Variants in SIRT2 observed in about 807,000 individuals in gnomAD.
The protein encoded by SIRT2 is NAD-dependent protein deacetylase sirtuin-2.
A neutral mutation model predicts 57.4 loss-of-function variants in SIRT2; 40 were observed. The observed-to-expected ratio is 0.70, with a 90% CI of 0.54 to 0.91. SIRT2 has a LOEUF of 0.91. SIRT2 is among the 40% of genes least tolerant of loss of function. SIRT2 has a pLI of 0.00. For missense variants in SIRT2, 439 were observed against 510.4 expected (o/e 0.86, Z 1.35); for synonymous variants, 161 against 195.7 (o/e 0.82, Z 1.48).
chr19:38,880,582 GA>G lies in SIRT2; in HGVS notation c.876+102del. On this transcript the variant is annotated intron_variant, in intron 13 of 15. Coordinates refer to ENST00000249396, the MANE Select transcript of SIRT2 (RefSeq NM_012237.4). This position sits in a 1 kb window ranked among gnomAD's most constrained non-coding sequence, Gnocchi z 4.1. ...CTAGAGCCCCAGGTTCTGAGCTGAG[GA>G]ATGCAAAGTGCTGGGGTTCCACAGT... 1 of 777,266 alleles carries G rather than the reference GA, an allele frequency of 1.3e-6. No homozygotes were observed. The highest frequency in any genetic ancestry group is 2.1e-6 in the Non-Finnish European group (1 of 471,698). The allele number at this position is 777,266 out of a possible 1,614,324, so 48.1% of individuals were successfully genotyped here.
intron 8 of SIRT2, among the ~76,000 whole-genome samples, chr19:38,887,362 C>T (rs1193349542): frequency 6.6e-6 from 1 of 152,170 alleles, no homozygotes; most frequent in African/African-American, 2.4e-5. Flanking sequence ...ACATCAACCA[C>T]AAAAAGCACT....
At position 38,891,530 on chromosome 19, in the gene SIRT2, C is replaced by CA. The variant is rs201582247; in HGVS notation, c.227-1387dup. Among the ~76,000 whole-genome samples the CA allele has an allele frequency of 7.7e-3, 1,167 of 152,228 alleles. 37 individuals are homozygous for CA. In the South Asian group the frequency reaches 0.096, roughly 13 times the overall value. Reference sequence around the variant, plus strand: ...CGCCACTGCACTCCAGCCTGGGTAACAGAGTGAGACTCTGTCTCAAAATAA... The same window carrying CA: ...CGCCACTGCACTCCAGCCTGGGTAACAAGAGTGAGACTCTGTCTCAAAATAA... On this transcript the variant is annotated intron_variant, in intron 4 of 15. Transcript: ENST00000249396.
At chr19:38,896,033 TG>T (rs1437439606) in intron 2 of SIRT2, among the ~76,000 whole-genome samples, 2 of 151,768 alleles carry the variant, frequency 1.3e-5, no homozygotes, top group Non-Finnish European at 2.9e-5. Flanking sequence ...ATCACCCCAC[TG>T]CACTCCAGCC....
chr19:38,884,745 C>T (rs1433918054), intron 8 of SIRT2, among the ~76,000 whole-genome samples: 1 of 151,898 alleles, frequency 6.6e-6, no homozygotes, highest in Admixed American at 6.6e-5. Context: ...CTGTGCCTAG[C>T]CATGTTTTTT....
chr19:38,888,183 TTTG>T (rs1191776654), intron 8 of SIRT2, among the ~76,000 whole-genome samples: 2 of 152,204 alleles, frequency 1.3e-5, no homozygotes, highest in African/African-American at 2.4e-5. Flanking sequence ...GTTGTTTTGA[TTTG>T]TTTTTTGTTT....
intron 4 of SIRT2, chr19:38,891,892 C>T (rs1973549964): frequency 2.1e-6 from 1 of 469,472 alleles, no homozygotes; most frequent in Non-Finnish European, 4.4e-6. Flanking sequence ...TGGCTGCAGA[C>T]AGCTGCTCGC....
intron 8 of SIRT2, among the ~76,000 whole-genome samples, chr19:38,887,098 T>C (rs191991590): frequency 7.7e-4 from 117 of 152,196 alleles, no homozygotes; most frequent in Admixed American, 4.7e-3. Context: ...CCACCACGCC[T>C]GGCTAATTTT....
chr19:38,885,351 C>T (rs1302893428), intron 8 of SIRT2, among the ~76,000 whole-genome samples: 1 of 152,070 alleles, frequency 6.6e-6, no homozygotes, highest in Non-Finnish European at 1.5e-5. Context: ...GTGATCCTCC[C>T]ACTTCAGCCT....
intron 8 of SIRT2, among the ~76,000 whole-genome samples, chr19:38,887,084 T>C (rs1973365866): frequency 6.6e-6 from 1 of 152,098 alleles, no homozygotes; most frequent in Admixed American, 6.6e-5. Context: ...ACTACAGGCA[T>C]GTGCCACCAC....
intron 2 of SIRT2, chr19:38,894,787 T>C: frequency 4.4e-6 from 2 of 456,090 alleles, no homozygotes; most frequent in Non-Finnish European, 8.8e-6. Context: ...TCTCTGGGAC[T>C]CTGTCCAGGG....
At chr19:38,885,238 A>G (rs1973288595) in intron 8 of SIRT2, among the ~76,000 whole-genome samples, 1 of 151,986 alleles carries the variant, frequency 6.6e-6, no homozygotes, top group African/African-American at 2.4e-5. Context: ...GGCAAATGCC[A>G]CCATGCCCGG....
At position 38,893,840 on chromosome 19, in the gene SIRT2, C is replaced by T. The variant is rs1019096585; in HGVS notation, c.91G>A (p.Ala31Thr). 3 of 1,614,132 alleles carry T rather than the reference C, an allele frequency of 1.9e-6. No individual in the cohort carries two copies. Reference protein sequence around the residue: ...QDSDSDSEGGAAGGEADMDFL... With the variant: ...QDSDSDSEGGTAGGEADMDFL... Reference sequence around the variant, plus strand: ...TCACTGTCTGCTTCTCCACCAGCGGCTCCTCCCTCAGAGTCTGAATCTGAG... The same window carrying T: ...TCACTGTCTGCTTCTCCACCAGCGGTTCCTCCCTCAGAGTCTGAATCTGAG... The change falls in exon 3 of 16, where the codon GCC becomes ACC. Residue 31 changes from alanine (A) to threonine (T), a missense_variant. Coordinates refer to ENST00000249396, the MANE Select transcript of SIRT2 (RefSeq NM_012237.4).
intron 8 of SIRT2, among the ~76,000 whole-genome samples, chr19:38,884,264 T>A (rs572484934): frequency 7.2e-5 from 11 of 152,180 alleles, no homozygotes; most frequent in Admixed American, 6.5e-4. Context: ...GCCAGATGCT[T>A]TATTTCCACC....
Position 38,889,022 on chromosome 19 carries a change from C to T in SIRT2, c.501+65G>A. The T allele has an allele frequency of 4.0e-6, 6 of 1,483,418 alleles. No homozygotes were observed. The South Asian group carries it at 6.8e-5, about 17-fold the overall frequency. 91.9% of individuals were successfully genotyped at this position (1,483,418 alleles called of 1,614,324 possible). On this transcript the variant is annotated intron_variant, in intron 8 of 15. Coordinates refer to ENST00000249396, the MANE Select transcript of SIRT2 (RefSeq NM_012237.4). ...CTCTTGGGCACGCAGCTCTGCTCCT[C>T]TGCTGAGGACACCATGCCCGTTCCA...
rs1973038876 is a variant in SIRT2 at position 38,879,199 on chromosome 19, C to T, written c.1126G>A (p.Ala376Thr). The change falls in exon 16 of 16, where the codon GCC (alanine) becomes ACC (threonine). Residue 376 changes from alanine to threonine, a missense_variant. Coordinates refer to ENST00000249396, the MANE Select transcript of SIRT2 (RefSeq NM_012237.4). ...SASPKKSPPPAKDEARTTERE... is the reference protein window; with the variant it reads ...SASPKKSPPPTKDEARTTERE... ...TCTGTTGTCCTGGCCTCGTCCTTGGCAGGTGGCGGGGACTTCTTGGGGGAA... is the reference window on the plus strand; with the variant it reads ...TCTGTTGTCCTGGCCTCGTCCTTGGTAGGTGGCGGGGACTTCTTGGGGGAA... 2 of 1,587,528 alleles carry T rather than the reference C, an allele frequency of 1.3e-6. No individual in the cohort carries two copies. The highest frequency in any genetic ancestry group is 8.5e-7 in the Non-Finnish European group (1 of 1,173,070).
At position 38,889,987 on chromosome 19, in the gene SIRT2, T is replaced by G. The variant is rs1232164475; in HGVS notation, c.269-26A>C. 4 of 1,611,960 alleles carry G rather than the reference T, an allele frequency of 2.5e-6. No homozygotes were observed. The South Asian group carries it at 4.4e-5, about 18-fold the overall frequency. ...CTAGGAAAGGGGGGTCAGGGAGCAG[T>G]TGGTCTATACCATACTAACCCTCCC... is the stretch of plus-strand genomic sequence containing the variant. On this transcript the variant is annotated intron_variant, in intron 5 of 15. Transcript: ENST00000249396.
intron 3 of SIRT2, 69 bp downstream of exon 3, chr19:38,893,750 C>T (rs1973622831): frequency 1.3e-6 from 2 of 1,576,304 alleles, no homozygotes; most frequent in Non-Finnish European, 8.7e-7. Flanking sequence ...AGGTATCACC[C>T]ACACCCCTGC....
chr19:38,893,706 C>A, intron 3 of SIRT2, 113 bp downstream of exon 3: 4 of 1,389,464 alleles, frequency 2.9e-6, no homozygotes, highest in Non-Finnish European at 4.0e-6. Context: ...CCCACTGCTA[C>A]ATACTTTGGA....
chr19:38,887,086 T>C (rs1389786754), intron 8 of SIRT2, among the ~76,000 whole-genome samples: 4 of 151,784 alleles, frequency 2.6e-5, no homozygotes, highest in Admixed American at 6.6e-5. Flanking sequence ...TACAGGCATG[T>C]GCCACCACGC....
Sources: gnomAD v4.1 joint callset for allele counts (sites outside exome capture counted in the v4.1 genomes callset) on GRCh38, gnomAD v4.1.1 for gene constraint, Gnocchi (gnomAD v3.1) non-coding constraint, MANE v1.5 for transcripts, NCBI Gene and HGNC (gene_info 2026-07-23, HGNC 2026-07-21) for gene names.